The following WNT3 variants were observed in gnomAD, a reference collection of about 807,000 sequenced individuals.
WNT3 encodes the protein Wnt family member 3.
A neutral mutation model predicts 34.2 loss-of-function variants in WNT3; 7 were observed. That is an observed-to-expected ratio of 0.20 (90% CI 0.12 to 0.38). The LOEUF (loss-of-function observed/expected upper bound fraction) is 0.38. WNT3 is among the 10% of genes least tolerant of loss of function. WNT3 has a pLI of 1.00. For missense variants in WNT3, 267 were observed against 499.8 expected, an observed-to-expected ratio of 0.53 and a Z score of 4.44; for synonymous variants, 212 against 211.5, an observed-to-expected ratio of 1.00 and a Z score of -0.02.
chr17:46,789,748 C>G (rs936274244), intron 1 of WNT3, among the ~76,000 whole-genome samples: 16 of 152,334 alleles, frequency 1.1e-4, no homozygotes, highest in Admixed American at 3.9e-4. Flanking sequence ...GGACACTGCC[C>G]AGGGCTCCAG....
At chr17:46,782,707 G>A (rs1197723335) in intron 1 of WNT3, among the ~76,000 whole-genome samples, 1 of 152,232 alleles carries the variant, frequency 6.6e-6, no homozygotes, top group African/African-American at 2.4e-5. Flanking sequence ...CACCCATAGT[G>A]ACGAGGCAAT....
intron 1 of WNT3, among the ~76,000 whole-genome samples, chr17:46,806,629 C>T (rs1298717923): frequency 6.6e-6 from 1 of 152,210 alleles, no homozygotes; most frequent in Non-Finnish European, 1.5e-5. Context: ...GAGAAAGGCT[C>T]CAGAATCCCC....
rs184844523 is a variant in WNT3 at position 46,807,954 on chromosome 17, A to G, written c.80+10564T>C. ...AGGTCGAATTGTAAAAGTGAAATGA[A>G]CAATTGGCTGTTTCAGAGATACCAA... On this transcript the variant is annotated intron_variant, in intron 1 of 4. Coordinates refer to ENST00000225512, the MANE Select transcript of WNT3 (RefSeq NM_030753.5). 5.4e-4 allele frequency among the ~76,000 whole-genome samples: 83 copies of G among 152,326 alleles called. 1 individual carries two copies. Among genetic ancestry groups the G allele is most frequent in the African/African-American group, 1.9e-3 (80 of 41,574 alleles).
intron 1 of WNT3, among the ~76,000 whole-genome samples, chr17:46,803,458 T>C (rs1434703206): frequency 1.3e-5 from 2 of 152,238 alleles, no homozygotes; most frequent in South Asian, 4.1e-4. Context: ...CGCTTGAACC[T>C]GGGAGGCAGA....
At chr17:46,805,952 A>C (rs2084188890) in intron 1 of WNT3, among the ~76,000 whole-genome samples, 1 of 152,300 alleles carries the variant, frequency 6.6e-6, no homozygotes, top group East Asian at 1.9e-4. Flanking sequence ...AGCCTTCGGC[A>C]ATGGAATGGT....
At position 46,768,819 on chromosome 17, in the gene WNT3, G is replaced by A. The variant is rs1777586689; in HGVS notation, c.589-20C>T. Reference sequence around the variant, plus strand: ...GATAGTCTGGGGGAGAGAAGTGGCAGCTGGCCAACAGACCGACCCCACGAG... The same window carrying A: ...GATAGTCTGGGGGAGAGAAGTGGCAACTGGCCAACAGACCGACCCCACGAG... On this transcript the variant is annotated intron_variant, in intron 3 of 4. Transcript: ENST00000225512. This position sits in a 1 kb window ranked among gnomAD's most constrained non-coding sequence, Gnocchi z 5.0. The A allele has an allele frequency of 6.2e-6, 10 of 1,610,480 alleles. No homozygotes were observed. The highest frequency in any genetic ancestry group is 7.6e-6 in the Non-Finnish European group (9 of 1,178,870).
At chr17:46,816,318 GAC>G (rs1466982622) in intron 1 of WNT3, among the ~76,000 whole-genome samples, 19 of 152,126 alleles carry the variant, frequency 1.2e-4, no homozygotes, top group African/African-American at 3.1e-4. Context: ...CTCGTGTGCA[GAC>G]ACACACAGCA....
At chr17:46,790,643 G>T (rs2083972738) in intron 1 of WNT3, among the ~76,000 whole-genome samples, 1 of 152,094 alleles carries the variant, frequency 6.6e-6, no homozygotes, top group Non-Finnish European at 1.5e-5. Context: ...TCCAACCTCT[G>T]GTCTTGTCCA....
At chr17:46,785,165 A>C (rs938027987) in intron 1 of WNT3, among the ~76,000 whole-genome samples, 1 of 151,798 alleles carries the variant, frequency 6.6e-6, no homozygotes, top group African/African-American at 2.4e-5. Context: ...ACACAGTGGG[A>C]CCTCCCAGCC....
chr17:46,818,040 A>AG (rs1162043254), intron 1 of WNT3, among the ~76,000 whole-genome samples: 4 of 151,938 alleles, frequency 2.6e-5, no homozygotes, highest in Admixed American at 2.6e-4. Flanking sequence ...AGGAAGGCAA[A>AG]GGGGGGTTAT....
intron 1 of WNT3, among the ~76,000 whole-genome samples, chr17:46,806,499 G>A (rs954066287): frequency 3.3e-5 from 5 of 152,094 alleles, no homozygotes; most frequent in African/African-American, 9.7e-5. Flanking sequence ...GTGAGCCACC[G>A]CGCCCAGCTG....
chr17:46,778,314 A>G (rs1424032027), intron 1 of WNT3, among the ~76,000 whole-genome samples: 1 of 152,202 alleles, frequency 6.6e-6, no homozygotes, highest in Non-Finnish European at 1.5e-5. Context: ...GATCTGGATG[A>G]GGGTTCAAGG....
intron 1 of WNT3, among the ~76,000 whole-genome samples, chr17:46,784,115 G>A (rs907755794): frequency 2.6e-5 from 4 of 152,134 alleles, no homozygotes; most frequent in African/African-American, 7.2e-5. Context: ...GGATGGGCCC[G>A]CTGGTCATCT....
At chr17:46,778,058 G>A (rs1340046480) in intron 1 of WNT3, among the ~76,000 whole-genome samples, 2 of 152,240 alleles carry the variant, frequency 1.3e-5, no homozygotes, top group East Asian at 1.9e-4. Context: ...GGAGGAATAA[G>A]TGACACAATC....
At chr17:46,779,845 G>A in intron 1 of WNT3, among the ~76,000 whole-genome samples, 1 of 152,206 alleles carries the variant, frequency 6.6e-6, no homozygotes, top group Non-Finnish European at 1.5e-5. Context: ...TGCAACCTCT[G>A]CCTCCCAAGT....
chr17:46,813,247 A>G (rs1467931400), intron 1 of WNT3, among the ~76,000 whole-genome samples: 2 of 151,956 alleles, frequency 1.3e-5, no homozygotes, highest in African/African-American at 4.8e-5. Context: ...CTGAGAGGCA[A>G]AAGGGACCCC....
chr17:46,810,742 G>A (rs972272064), intron 1 of WNT3, among the ~76,000 whole-genome samples: 5 of 151,926 alleles, frequency 3.3e-5, no homozygotes, highest in Admixed American at 6.6e-5. Context: ...ACCTGAACGC[G>A]GAATACAGCC....
chr17:46,790,062 C>G (rs2083961868), intron 1 of WNT3, among the ~76,000 whole-genome samples: 1 of 152,282 alleles, frequency 6.6e-6, no homozygotes, highest in East Asian at 1.9e-4. Context: ...CGCTGGCTGC[C>G]CCTCCCTTGC....
At chr17:46,813,157 C>T (rs1360970106) in intron 1 of WNT3, among the ~76,000 whole-genome samples, 1 of 151,854 alleles carries the variant, frequency 6.6e-6, no homozygotes, top group Non-Finnish European at 1.5e-5. Context: ...GGTGGACTGT[C>T]TAATACAGGC....
Sources: allele counts gnomAD v4.1 joint callset (sites outside exome capture counted in the v4.1 genomes callset), GRCh38; gene constraint gnomAD v4.1.1; non-coding constraint Gnocchi (gnomAD v3.1); transcripts MANE v1.5; gene names NCBI Gene and HGNC (gene_info 2026-07-23, HGNC 2026-07-21).